WDR36: variants seen among roughly 807,000 people sequenced by gnomAD.
The protein encoded by WDR36 is WD repeat domain 36, also known as WD repeat-containing protein 36.
A neutral mutation model predicts 112.7 loss-of-function variants in WDR36; 63 were observed. That is an observed-to-expected ratio of 0.56 (90% CI 0.46 to 0.69). The LOEUF is 0.69. Ranked by LOEUF, WDR36 falls within the 30% of genes least tolerant of loss-of-function variation. WDR36 has a pLI of 0.00. For synonymous variants in WDR36, 410 were observed against 362.2 expected, an observed-to-expected ratio of 1.13 and a Z score of -1.50; for missense variants, 1,226 against 1,070.3, an observed-to-expected ratio of 1.15 and a Z score of -2.03.
intron 17 of WDR36, 59 bp downstream of exon 17, chr5:111,119,179 A>C (rs1753517766): frequency 1.5e-6 from 2 of 1,374,070 alleles, no homozygotes; most frequent in East Asian, 4.6e-5. Flanking sequence ...TCAGAGAGTT[A>C]GAGTTGCTAA....
At chr5:111,116,845 A>G (rs979594253) in intron 16 of WDR36, among the ~76,000 whole-genome samples, 1 of 152,200 alleles carries the variant, frequency 6.6e-6, no homozygotes, top group Non-Finnish European at 1.5e-5. Context: ...TTGAAGTAAA[A>G]TAAGTTTGCT....
In WDR36 at chr5:111,094,935, C is replaced by A. The variant is rs768394760; in HGVS notation, c.178C>A (p.Leu60Met). The part of the protein sequence containing the change: ...FHTYDVQKLS[L>M]VAVSNSVPQD... Reference sequence around the variant, plus strand: ...TTTTAAACAGGTTCAGAAACTTAGTCTGGTTGCAGTAAGTAAGTATGGACT... The same window carrying A: ...TTTTAAACAGGTTCAGAAACTTAGTATGGTTGCAGTAAGTAAGTATGGACT... The change falls in exon 2 of 23, where the codon CTG becomes ATG. Residue 60 changes from leucine (L) to methionine (M), a missense_variant. Transcript: ENST00000513710. The A allele has an allele frequency of 4.7e-5, 76 of 1,606,256 alleles. No homozygotes were observed. The highest frequency in any genetic ancestry group is 6.2e-5 in the Non-Finnish European group (73 of 1,175,334).
intron 3 of WDR36, among the ~76,000 whole-genome samples, chr5:111,098,161 A>C (rs1753034228): frequency 1.3e-5 from 2 of 152,192 alleles, no homozygotes; most frequent in South Asian, 4.1e-4. Flanking sequence ...ACCACCCCTA[A>C]GGCCAAAGGG....
intron 11 of WDR36, 55 bp downstream of exon 11, chr5:111,106,198 C>A: frequency 1.4e-6 from 2 of 1,409,960 alleles, no homozygotes; most frequent in Non-Finnish European, 2.0e-6. Context: ...TTATTTCCTA[C>A]TGTATGCTGT....
chr5:111,097,708 T>C (rs1306657091), intron 3 of WDR36, among the ~76,000 whole-genome samples: 3 of 152,350 alleles, frequency 2.0e-5, no homozygotes, highest in Admixed American at 6.5e-5. Context: ...AGTTGGTTTC[T>C]GAATTTGTCC....
At chr5:111,101,391 C>A (rs1448217906) in intron 5 of WDR36, among the ~76,000 whole-genome samples, 1 of 151,778 alleles carries the variant, frequency 6.6e-6, no homozygotes, top group African/African-American at 2.4e-5. Context: ...ATTTTCCATA[C>A]ATGAAGATTT....
intron 16 of WDR36, among the ~76,000 whole-genome samples, chr5:111,114,902 A>G (rs1357862011): frequency 6.6e-6 from 1 of 152,222 alleles, no homozygotes; most frequent in African/African-American, 2.4e-5. Flanking sequence ...ATTCAGTAGT[A>G]GTAAATTGGC....
At chr5:111,095,780 GCCATCATTCCTTCTA>G (rs1752964258) in intron 2 of WDR36, among the ~76,000 whole-genome samples, 1 of 152,116 alleles carries the variant, frequency 6.6e-6, no homozygotes, top group Non-Finnish European at 1.5e-5. Context: ...ATTTTCTTTT[GCCATCATTCCTTCTA>G]CTGTAAGGAG....
rs186195931 is a variant in WDR36 at position 111,117,175 on chromosome 5, C to G, written c.1797-1838C>G. ...TTTCAAAACAGACTTGAACAGAAAT[C>G]AGACAGGTTATTGCTCCCTTCCCCA... On this transcript the variant is annotated intron_variant, in intron 16 of 22. Coordinates refer to ENST00000513710, the MANE Select transcript of WDR36 (RefSeq NM_139281.3). Among the ~76,000 whole-genome samples the G allele has an allele frequency of 1.5e-4, 23 of 152,304 alleles. No individual in the cohort carries two copies. The East Asian group carries it at 4.2e-3, about 28-fold the overall frequency.
rs34323614 is a variant in WDR36, at chr5:111,110,756, A to AT, written c.1442-22dup. ...TCAGAGAGAAACACTGCCAATTCTGATTTTTTTTTTCTTTTGACATCTACC... is the reference window on the plus strand; with the variant it reads ...TCAGAGAGAAACACTGCCAATTCTGATTTTTTTTTTTCTTTTGACATCTACC... On this transcript the variant is annotated intron_variant, in intron 13 of 22. Transcript: ENST00000513710. 0.14 allele frequency: 200,491 copies of AT among 1,480,034 alleles called. 7,960 individuals are homozygous for AT. Among genetic ancestry groups the AT allele is most frequent in the South Asian group, 0.25 (21,084 of 84,472 alleles). 91.7% of individuals were successfully genotyped at this position (1,480,034 alleles called of 1,614,324 possible). A position where few individuals can be genotyped will look rare whatever the true frequency, so the allele number is the denominator to read the frequency against.
In WDR36 at chr5:111,121,025, C is replaced by G. The variant is rs930612228; in HGVS notation, c.2032C>G (p.Pro678Ala). ...DVEVSEETVE[P>A]SDELIEYDSP... is the part of the protein sequence containing the mutation. The stretch of plus-strand genomic sequence containing the variant: ...AGAAGTATCAGAAGAAACAGTAGAA[C>G]CAAGTGATGAATTGATAGAATATGA... Residue 678 changes from proline (P) to alanine (A), a missense_variant, in exon 19 of 23, where the codon CCA becomes GCA. By Grantham distance (27) the Pro-to-Ala change is conservative (BLOSUM62 -1). Coordinates refer to ENST00000513710, the MANE Select transcript of WDR36 (RefSeq NM_139281.3). The G allele has an allele frequency of 6.2e-7, 1 of 1,613,266 alleles. No homozygotes were observed.
intron 17 of WDR36, 124 bp from the exon 18 acceptor site, chr5:111,120,372 C>A: frequency 1.3e-6 from 1 of 766,530 alleles, no homozygotes. Context: ...AAATTGATAA[C>A]AATCTATCTT....
Position 111,107,410 on chromosome 5 carries a change from G to A in WDR36, c.1297G>A (p.Glu433Lys). The A allele has an allele frequency of 6.2e-7, 1 of 1,610,232 alleles. No individual in the cohort carries two copies. The highest frequency in any genetic ancestry group is 8.5e-7 in the Non-Finnish European group (1 of 1,177,452). ...TIGAYFLKPK[E>K]LKKDDITATA... ...AGGCGCTTACTTTCTCAAGCCAAAA[G>A]AGTTGAAGAAAGATGACATAACTGC... Residue 433 changes from glutamate (E) to lysine (K), a missense_variant, in exon 12 of 23, where the codon GAG (glutamate) becomes AAG (lysine). Transcript: ENST00000513710.
chr5:111,107,054 G>A (rs552069110), intron 11 of WDR36, among the ~76,000 whole-genome samples: 50 of 151,186 alleles, frequency 3.3e-4, no homozygotes, highest in African/African-American at 1.1e-3. Context: ...TGATTTAGCC[G>A]TTCCACAATG....
At position 111,111,961 on chromosome 5, in the gene WDR36, C is replaced by T. The variant is rs140264631; in HGVS notation, c.1716+683C>T. On this transcript the variant is annotated intron_variant, in intron 15 of 22. Transcript: ENST00000513710. ...AAAATAAAATCTTAATACTTAGTGA[C>T]GAACCCAACAGCTGCATTTACTAGT... Among the ~76,000 whole-genome samples the T allele has an allele frequency of 1.4e-3, 214 of 151,788 alleles. 1 individual carries two copies. The highest frequency in any genetic ancestry group is 4.9e-3 in the African/African-American group (205 of 41,468).
Position 111,102,352 on chromosome 5 carries a change from C to A in WDR36, c.550C>A (p.Leu184Ile). Residue 184 changes from leucine (L) to isoleucine (I), a missense_variant, in exon 6 of 23, where the codon CTA (leucine) becomes ATA (isoleucine). Coordinates refer to ENST00000513710, the MANE Select transcript of WDR36 (RefSeq NM_139281.3). ...CTATTTTTCTTCTTGTAGTAAACTT[C>A]TATATACATTTCCAGGATGGAAAGT... ...QLWNVKSNKL[L>I]YTFPGWKVGV... is the part of the protein sequence containing the mutation. 6.2e-7 allele frequency: 1 copy of A among 1,607,506 alleles called. No individual in the cohort carries two copies. Among genetic ancestry groups the A allele is most frequent in the Non-Finnish European group, 8.5e-7 (1 of 1,176,744 alleles).
chr5:111,127,062 C>A lies in WDR36; in HGVS notation c.*179C>A. 3.3e-6 allele frequency: 2 copies of A among 600,096 alleles called. No homozygotes were observed. The highest frequency in any genetic ancestry group is 5.5e-6 in the Non-Finnish European group (2 of 364,034). 37.2% of individuals were successfully genotyped at this position (600,096 alleles called of 1,614,324 possible). ...AATAAAATCGCACCTCCCGGCCAGG[C>A]ATGATGGATAATGCCTGTAATTCCA... is the stretch of plus-strand genomic sequence containing the variant. On this transcript the variant is annotated 3_prime_UTR_variant, in exon 23 of 23. Coordinates refer to ENST00000513710, the MANE Select transcript of WDR36 (RefSeq NM_139281.3).
chr5:111,097,132 T>C lies in WDR36; in HGVS notation c.244T>C (p.Phe82Leu), dbSNP rs1180048670. The change falls in exon 3 of 23, where the codon TTT (phenylalanine) becomes CTT (leucine). Residue 82 changes from phenylalanine to leucine, a missense_variant. Coordinates refer to ENST00000513710, the MANE Select transcript of WDR36 (RefSeq NM_139281.3). ...CCMAADGRLVFAAYGNVFSAF... is the reference protein window; with the variant it reads ...CCMAADGRLVLAAYGNVFSAF... ...TATGGCAGCTGATGGCAGATTAGTC[T>C]TTGCTGCTTATGGAAATGTTTTCTC... The C allele has an allele frequency of 5.6e-6, 9 of 1,613,860 alleles. No homozygotes were observed. The highest frequency in any genetic ancestry group is 7.6e-6 in the Non-Finnish European group (9 of 1,179,870).
chr5:111,092,415 C>T lies in WDR36; in HGVS notation c.-42C>T. 2 of 1,614,198 alleles carry T rather than the reference C, an allele frequency of 1.2e-6. No individual in the cohort carries two copies. Among genetic ancestry groups the T allele is most frequent in the Non-Finnish European group, 1.7e-6 (2 of 1,180,044 alleles). On this transcript the variant is annotated 5_prime_UTR_variant, in exon 1 of 23. Coordinates refer to ENST00000513710, the MANE Select transcript of WDR36 (RefSeq NM_139281.3). The stretch of plus-strand genomic sequence containing the variant: ...GCTGAAGGGACTGGGTACGTGTTTT[C>T]CTTCAGGACCAGAGCTGAGAGGAGC...
Sources: gnomAD v4.1 joint callset for allele counts (sites outside exome capture counted in the v4.1 genomes callset) on GRCh38, gnomAD v4.1.1 for gene constraint, MANE v1.5 for transcripts, NCBI Gene and HGNC (gene_info 2026-07-23, HGNC 2026-07-21) for gene names.